Variants in SNX18 observed in about 807,000 individuals in gnomAD.
The protein encoded by SNX18 is sorting nexin 18, also known as sorting nexin-18.
In SNX18, 35 loss-of-function variants were observed where a neutral mutation model predicts 48.7. The ratio of observed to expected loss-of-function variants is 0.72; its 90% CI spans 0.55 to 0.95. SNX18 has a LOEUF of 0.95. Among genes scored for constraint, SNX18 ranks in the 40% least tolerant of loss-of-function variants. SNX18 has a pLI of 0.00. For missense variants in SNX18, 824 were observed against 871.0 expected, an observed-to-expected ratio of 0.95 and a Z score of 0.68; for synonymous variants, 492 against 384.7, an observed-to-expected ratio of 1.28 and a Z score of -3.26.
chr5:54,574,805 G>A, the SNX18 span, among the ~76,000 whole-genome samples: 1 of 152,128 alleles, frequency 6.6e-6, no homozygotes, highest in African/African-American at 2.4e-5. Flanking sequence ...AACCACCAGG[G>A]CTGTCTAGAG....
the SNX18 span, among the ~76,000 whole-genome samples, chr5:54,631,232 T>C: frequency 2.7e-4 from 41 of 152,356 alleles, no homozygotes; most frequent in African/African-American, 9.9e-4. Flanking sequence ...TAGAAGGCAC[T>C]CTTTTATTTA....
the SNX18 span, among the ~76,000 whole-genome samples, chr5:54,621,327 T>C: frequency 6.6e-6 from 1 of 152,186 alleles, no homozygotes; most frequent in Admixed American, 6.5e-5. Context: ...ACTAAGTCTA[T>C]TTAGTAAAAT....
At chr5:54,614,100 G>C in the SNX18 span, among the ~76,000 whole-genome samples, 4 of 152,192 alleles carry the variant, frequency 2.6e-5, no homozygotes, top group Non-Finnish European at 5.9e-5. Flanking sequence ...TGTTTCTCCT[G>C]AACAAAAGTT....
At chr5:54,646,247 T>C in the SNX18 span, among the ~76,000 whole-genome samples, 29 of 152,236 alleles carry the variant, frequency 1.9e-4, no homozygotes, top group Non-Finnish European at 7.3e-5. Context: ...TTTATCTCTC[T>C]CCCCAAGAGA....
chr5:54,593,698 A>G, the SNX18 span, among the ~76,000 whole-genome samples: 2 of 152,224 alleles, frequency 1.3e-5, no homozygotes, highest in African/African-American at 2.4e-5. Flanking sequence ...ATAGACATAT[A>G]GACTACTGAA....
chr5:54,635,105 G>A, the SNX18 span, among the ~76,000 whole-genome samples: 1 of 151,494 alleles, frequency 6.6e-6, no homozygotes, highest in African/African-American at 2.4e-5. Context: ...TTCAAAATGT[G>A]TTTATGTCTC....
At chr5:54,635,683 G>A in the SNX18 span, among the ~76,000 whole-genome samples, 1 of 152,174 alleles carries the variant, frequency 6.6e-6, no homozygotes, top group Admixed American at 6.5e-5. Flanking sequence ...AGATCTTTCA[G>A]GACGAGGTAC....
rs1761954141 is a variant in SNX18 at position 54,519,168 on chromosome 5, A to G, written c.1216A>G (p.Asn406Asp). 2 of 1,613,818 alleles carry G rather than the reference A, an allele frequency of 1.2e-6. No homozygotes were observed. The highest frequency in any genetic ancestry group is 1.7e-6 in the Non-Finnish European group (2 of 1,179,822). The change falls in exon 1 of 2, where the codon AAC becomes GAC. Residue 406 changes from asparagine to aspartate, a missense_variant. Around this residue, in one of 3 missense-constraint regions of SNX18, gnomAD observed 443 missense variants for 503.6 expected, o/e 0.88. Coordinates refer to ENST00000381410, the MANE Select transcript of SNX18 (RefSeq NM_001102575.2). ...CGAGAAGGACGAGATGGTGGGCGCC[A>G]ACTTCTTCCTGACCCTTAGCACGCC... ...KAEKDEMVGA[N>D]FFLTLSTPPA...
chr5:54,523,835 G>GCA (rs1374739651), intron 1 of SNX18, among the ~76,000 whole-genome samples: 2 of 152,170 alleles, frequency 1.3e-5, no homozygotes, highest in African/African-American at 4.8e-5. Context: ...TGGAGTCCCA[G>GCA]CAGGGCACAC....
the SNX18 span, among the ~76,000 whole-genome samples, chr5:54,625,520 G>C: frequency 6.6e-6 from 1 of 152,308 alleles, no homozygotes; most frequent in Admixed American, 6.5e-5. Context: ...CCCTCAGAGT[G>C]AAGGCTCTGA....
chr5:54,559,483 C>T, the SNX18 span, among the ~76,000 whole-genome samples: 2 of 152,190 alleles, frequency 1.3e-5, no homozygotes, highest in Non-Finnish European at 1.5e-5. Context: ...AAAAGACTCC[C>T]TATTCAATAA....
the SNX18 span, among the ~76,000 whole-genome samples, chr5:54,572,620 A>G: frequency 8.6e-5 from 13 of 151,716 alleles, no homozygotes; most frequent in African/African-American, 3.2e-4. Flanking sequence ...TATCTGAGAC[A>G]CATATATAAA....
chr5:54,522,721 G>T (rs1442392451), intron 1 of SNX18, among the ~76,000 whole-genome samples: 1 of 151,208 alleles, frequency 6.6e-6, no homozygotes, highest in Non-Finnish European at 1.5e-5. Flanking sequence ...GATGTCTGAG[G>T]CCATCCTGGT....
chr5:54,553,315 C>T, the SNX18 span, among the ~76,000 whole-genome samples: 2 of 152,144 alleles, frequency 1.3e-5, no homozygotes, highest in South Asian at 2.1e-4. Context: ...GTGGCCCACA[C>T]CAAGACACTG....
chr5:54,597,452 G>A, the SNX18 span, among the ~76,000 whole-genome samples: 8,955 of 152,166 alleles, frequency 0.059, 381 homozygotes, highest in Non-Finnish European at 0.09. Context: ...ATTCTTCTTG[G>A]TACCACATGA....
At chr5:54,595,980 C>A in the SNX18 span, among the ~76,000 whole-genome samples, 1 of 152,126 alleles carries the variant, frequency 6.6e-6, no homozygotes, top group African/African-American at 2.4e-5. Flanking sequence ...ATAAGGAAAG[C>A]CTTGGGATCC....
At chr5:54,598,585 A>G in the SNX18 span, among the ~76,000 whole-genome samples, 1 of 152,224 alleles carries the variant, frequency 6.6e-6, no homozygotes, top group Non-Finnish European at 1.5e-5. Flanking sequence ...AACATACGCA[A>G]ATCAATAAAT....
downstream of SNX18, chr5:54,546,675 G>C (rs1762581299): frequency 6.6e-6 from 1 of 152,180 alleles, no homozygotes; most frequent in African/African-American, 2.4e-5. Flanking sequence ...AGAAGAGCAT[G>C]TTCTGTCTTG....
the SNX18 span, among the ~76,000 whole-genome samples, chr5:54,567,437 G>T: frequency 6.6e-6 from 1 of 152,150 alleles, no homozygotes; most frequent in African/African-American, 2.4e-5. Context: ...GATGGGGATT[G>T]TGGGGGACAA....
Sources: allele counts gnomAD v4.1 joint callset (sites outside exome capture counted in the v4.1 genomes callset), GRCh38; gene constraint gnomAD v4.1.1; regional missense constraint gnomAD v4.1.1; transcripts MANE v1.5; gene names NCBI Gene and HGNC (gene_info 2026-07-23, HGNC 2026-07-21).